PGBD5: variants seen among roughly 807,000 people sequenced by gnomAD.
The protein encoded by PGBD5 is piggyBac transposable element derived 5.
Under a neutral mutation model 47.9 loss-of-function variants are expected in PGBD5, and 14 were observed. The ratio of observed to expected loss-of-function variants is 0.29; its 90% CI spans 0.19 to 0.46. PGBD5 has a LOEUF of 0.46. Ranked by LOEUF, PGBD5 falls within the 20% of genes least tolerant of loss-of-function variation. PGBD5 has a pLI of 1.00. For missense variants in PGBD5, 635 were observed against 716.0 expected, an observed-to-expected ratio of 0.89 and a Z score of 1.29; for synonymous variants, 316 against 306.3, an observed-to-expected ratio of 1.03 and a Z score of -0.33.
chr1:230,397,896 C>T (rs954743071), intron 1 of PGBD5, among the ~76,000 whole-genome samples: 3 of 152,164 alleles, frequency 2.0e-5, no homozygotes, highest in African/African-American at 7.2e-5. Flanking sequence ...TTGGGGGTAG[C>T]GTCCCCTACA....
rs1269201066 is a variant in PGBD5, at chr1:230,323,526, T to C, written c.1474A>G (p.Met492Val). 1 of 1,614,034 alleles carries C rather than the reference T, an allele frequency of 6.2e-7. No individual in the cohort carries two copies. The highest frequency in any genetic ancestry group is 8.5e-7 in the Non-Finnish European group (1 of 1,180,036). The change falls in exon 7 of 7, where the codon ATG (methionine) becomes GTG (valine). Residue 492 changes from methionine to valine, a missense_variant. Physicochemically the swap from Met to Val is conservative, Grantham distance 21 (BLOSUM62 1). Transcript: ENST00000391860. This position sits in a 1 kb window ranked among gnomAD's most constrained non-coding sequence, Gnocchi z 4.1. ...AINNAYILYK[M>V]SDAYHVKRYS... Reference sequence around the variant, plus strand: ...CTCTTCACGTGGTAGGCGTCTGACATTTTGTACAGGATGTAGGCATTGTTG... The same window carrying C: ...CTCTTCACGTGGTAGGCGTCTGACACTTTGTACAGGATGTAGGCATTGTTG...
chr1:230,398,762 G>A lies in PGBD5; in HGVS notation c.331+26836C>T, dbSNP rs997794919. ...ACAGCTCCCAGAACTGGGTTTTTAG[G>A]GGGTGAAGATCTCGAGCATCAGTGC... On this transcript the variant is annotated intron_variant, in intron 1 of 6. Coordinates refer to ENST00000391860, the MANE Select transcript of PGBD5 (RefSeq NM_001258311.2). Among the ~76,000 whole-genome samples the A allele has an allele frequency of 2.0e-5, 3 of 152,160 alleles. 1 individual carries two copies. Among genetic ancestry groups the A allele is most frequent in the Non-Finnish European group, 4.4e-5 (3 of 68,034 alleles).
At chr1:230,335,926 GACAC>G (rs1226862652) in intron 4 of PGBD5, among the ~76,000 whole-genome samples, 5 of 150,340 alleles carry the variant, frequency 3.3e-5, no homozygotes, top group East Asian at 3.9e-4. Context: ...CACAGACACA[GACAC>G]ACACAGACAC....
intron 1 of PGBD5, among the ~76,000 whole-genome samples, chr1:230,374,262 CA>C (rs1479129829): frequency 6.6e-6 from 1 of 151,960 alleles, no homozygotes. Flanking sequence ...ACTAAAAATA[CA>C]AAAATCAGCT....
At chr1:230,422,133 C>T (rs1292529310) in intron 1 of PGBD5, among the ~76,000 whole-genome samples, 2 of 150,352 alleles carry the variant, frequency 1.3e-5, no homozygotes, top group East Asian at 4.1e-4. Context: ...TATATTTTTC[C>T]CTCTCTCTCT....
At chr1:230,368,547 G>C (rs2820375) in intron 1 of PGBD5, among the ~76,000 whole-genome samples, 96,278 of 151,916 alleles carry the variant, frequency 0.63, 31,792 homozygotes, top group Non-Finnish European at 0.74. Context: ...CGGAGTGAGT[G>C]AATGAGTGGG....
chr1:230,376,107 G>A (rs1398983217), intron 1 of PGBD5, among the ~76,000 whole-genome samples: 2 of 129,148 alleles, frequency 1.5e-5, no homozygotes, highest in Non-Finnish European at 3.6e-5. Flanking sequence ...GCCAAGCGTG[G>A]GCAGAGTCAC....
intron 1 of PGBD5, among the ~76,000 whole-genome samples, chr1:230,386,020 A>G (rs1011234385): frequency 4.6e-5 from 7 of 152,184 alleles, no homozygotes; most frequent in African/African-American, 1.2e-4. Context: ...TGGCTCCCTC[A>G]TATTCCATGT....
Position 230,325,423 on chromosome 1 carries a change from C to A in PGBD5, c.1274-8G>T. 6.2e-7 allele frequency: 1 copy of A among 1,605,406 alleles called. No homozygotes were observed. The highest frequency in any genetic ancestry group is 1.1e-5 in the South Asian group (1 of 90,318). On this transcript the variant is annotated splice_region_variant and splice_polypyrimidine_tract_variant and intron_variant, in intron 5 of 6. Coordinates refer to ENST00000391860, the MANE Select transcript of PGBD5 (RefSeq NM_001258311.2). ...TCCTTTTGATGATGACTCCTGAAGGCGAGAGACAAGATAAGCCCCTTCCTC... is the reference window on the plus strand; with the variant it reads ...TCCTTTTGATGATGACTCCTGAAGGAGAGAGACAAGATAAGCCCCTTCCTC...
At chr1:230,395,059 T>A in intron 1 of PGBD5, among the ~76,000 whole-genome samples, 1 of 44,358 alleles carries the variant, frequency 2.3e-5, no homozygotes, top group Non-Finnish European at 4.1e-5. Flanking sequence ...AGAGCTCCTC[T>A]CTCACTCCCT....
intron 1 of PGBD5, among the ~76,000 whole-genome samples, chr1:230,393,948 C>T (rs1026318604): frequency 2.6e-5 from 4 of 152,110 alleles, no homozygotes; most frequent in African/African-American, 4.8e-5. Context: ...ACACCTGCCC[C>T]GGCCTGGCAT....
Position 230,400,040 on chromosome 1 carries a change from C to T in PGBD5, c.331+25558G>A, listed in dbSNP as rs571384811. On this transcript the variant is annotated intron_variant, in intron 1 of 6. Transcript: ENST00000391860. ...CTTTGCTAAAAATCCACCAAAGACT[C>T]CTCATCTCATTCAAAATGCAAGCCA... Among the ~76,000 whole-genome samples, 6 of 152,292 alleles carry T rather than the reference C, an allele frequency of 3.9e-5. No homozygotes were observed. The East Asian group carries it at 1.2e-3, about 29-fold the overall frequency.
intron 1 of PGBD5, chr1:230,377,673 C>T: frequency 6.9e-7 from 1 of 1,448,266 alleles, no homozygotes; most frequent in Non-Finnish European, 9.1e-7. Context: ...CCCACACAGC[C>T]TTCATTTCCC....
chr1:230,356,864 A>T (rs368401379), intron 2 of PGBD5, 30 bp downstream of exon 2: 6 of 1,596,550 alleles, frequency 3.8e-6, no homozygotes, highest in Non-Finnish European at 5.1e-6. Context: ...GGACACCTGG[A>T]CAAGCTCTTA....
intron 4 of PGBD5, 73 bp downstream of exon 4, chr1:230,337,035 C>A: frequency 1.3e-6 from 2 of 1,526,812 alleles, no homozygotes. Flanking sequence ...ATCTGCACCC[C>A]CACCTGGACC....
chr1:230,412,246 C>T (rs1460069227), intron 1 of PGBD5, among the ~76,000 whole-genome samples: 2 of 152,194 alleles, frequency 1.3e-5, no homozygotes, highest in Non-Finnish European at 2.9e-5. Context: ...TTGACCCCAA[C>T]CCAGTTGAAA....
chr1:230,335,950 C>T (rs555537708), intron 4 of PGBD5, among the ~76,000 whole-genome samples: 4 of 151,996 alleles, frequency 2.6e-5, no homozygotes, highest in African/African-American at 7.2e-5. Context: ...CACAAAGACA[C>T]AGAGACACAC....
Position 230,357,042 on chromosome 1 carries a change from C to G in PGBD5, c.611G>C (p.Ser204Thr). The G allele has an allele frequency of 1.2e-6, 2 of 1,614,158 alleles. No homozygotes were observed. Among genetic ancestry groups the G allele is most frequent in the Non-Finnish European group, 1.7e-6 (2 of 1,180,038 alleles). ...GAGGATCTTCTCGAAGCGGGCCTGGCTCATGACGAGGGCGAGGCTGCGGTT... is the reference window on the plus strand; with the variant it reads ...GAGGATCTTCTCGAAGCGGGCCTGGGTCATGACGAGGGCGAGGCTGCGGTT... ...YSNRSLALVM[S>T]QARFEKILKY... Residue 204 changes from serine (S) to threonine (T), a missense_variant, in exon 2 of 7, where the codon AGC becomes ACC. Physicochemically the swap from Ser to Thr is moderately conservative, Grantham distance 58. Transcript: ENST00000391860. The surrounding 1 kb of genome is among the most constrained non-coding windows in gnomAD (Gnocchi z 5.7).
Position 230,367,974 on chromosome 1 carries a change from A to T in PGBD5, c.332-10653T>A, listed in dbSNP as rs74143202. 5 of 1,366,958 alleles carry T rather than the reference A, an allele frequency of 3.7e-6. No homozygotes were observed. The African/African-American group carries it at 7.4e-5, about 20-fold the overall frequency. The allele number at this position is 1,366,958 out of a possible 1,614,324, so 84.7% of individuals were successfully genotyped here. A position where few individuals can be genotyped will look rare whatever the true frequency, so the allele number is the denominator to read the frequency against. On this transcript the variant is annotated intron_variant, in intron 1 of 6. Coordinates refer to ENST00000391860, the MANE Select transcript of PGBD5 (RefSeq NM_001258311.2). Reference sequence around the variant, plus strand: ...ACACCAAGGAGCTCAAGGTCCTGCAAGCTGGACACCAAGGAGCTGGGGGTT... The same window carrying T: ...ACACCAAGGAGCTCAAGGTCCTGCATGCTGGACACCAAGGAGCTGGGGGTT...
Sources: gnomAD v4.1 joint callset for allele counts (sites outside exome capture counted in the v4.1 genomes callset) on GRCh38, gnomAD v4.1.1 for gene constraint, Gnocchi (gnomAD v3.1) non-coding constraint, MANE v1.5 for transcripts, NCBI Gene and HGNC (gene_info 2026-07-23, HGNC 2026-07-21) for gene names.